The following CLIC5 variants were observed in gnomAD, a reference collection of about 807,000 sequenced individuals.
The protein encoded by CLIC5 is CLIC family member 5, also known as chloride intracellular channel protein 5.
Under a neutral mutation model 24.7 loss-of-function variants are expected in CLIC5, and 20 were observed. That is an observed-to-expected ratio of 0.81 (90% confidence interval 0.57 to 1.18). The LOEUF (loss-of-function observed/expected upper bound fraction) is 1.18, where lower values mean the gene tolerates loss of function less well. Ranked by LOEUF, CLIC5 falls within the 50% of genes most tolerant of loss-of-function variation. The pLI is 0.00. For missense variants in CLIC5, 341 were observed against 326.1 expected (o/e 1.05, Z -0.35); for synonymous variants, 159 against 135.6 (o/e 1.17, Z -1.20).
At chr6:46,116,216 C>G in the CLIC5 span, among the ~76,000 whole-genome samples, 1 of 150,852 alleles carries the variant, frequency 6.6e-6, no homozygotes, top group East Asian at 1.9e-4. Context: ...CTGGAAGCAG[C>G]TTTGGAGAGA....
intron 1 of CLIC5, among the ~76,000 whole-genome samples, chr6:45,992,999 A>G (rs1581836189): frequency 6.6e-6 from 1 of 152,202 alleles, no homozygotes; most frequent in East Asian, 1.9e-4. Context: ...GAGGTCTGAA[A>G]AGCATTTTGA....
At chr6:46,089,451 G>T in the CLIC5 span, among the ~76,000 whole-genome samples, 1 of 152,060 alleles carries the variant, frequency 6.6e-6, no homozygotes, top group Non-Finnish European at 1.5e-5. Context: ...AATAATGTTT[G>T]TGGCCAGACG....
At chr6:45,885,152 G>A (rs370860374) in intron 6 of CLIC5, among the ~76,000 whole-genome samples, 27 of 152,090 alleles carry the variant, frequency 1.8e-4, no homozygotes, top group African/African-American at 6.5e-4. Flanking sequence ...AAAGTCCAAT[G>A]TGATGGTATT....
upstream of CLIC5, among the ~76,000 whole-genome samples, chr6:46,085,270 A>T (rs575485187): frequency 3.2e-4 from 48 of 152,246 alleles, no homozygotes; most frequent in South Asian, 9.1e-3. Flanking sequence ...TTCTTCTCTC[A>T]ACTCGTCAAA....
intron 5 of CLIC5, among the ~76,000 whole-genome samples, chr6:45,910,434 C>A (rs964531547): frequency 6.6e-6 from 1 of 152,174 alleles, no homozygotes; most frequent in African/African-American, 2.4e-5. Flanking sequence ...AGACAAGGTT[C>A]TCTAGTGTCA....
At chr6:46,048,301 C>A (rs1285196884) in intron 1 of CLIC5, among the ~76,000 whole-genome samples, 1 of 152,178 alleles carries the variant, frequency 6.6e-6, no homozygotes, top group Non-Finnish European at 1.5e-5. Context: ...CTGCTCCCAG[C>A]CCCATATTAT....
upstream of CLIC5, among the ~76,000 whole-genome samples, chr6:46,081,691 T>C (rs936381940): frequency 6.6e-6 from 1 of 152,224 alleles, no homozygotes; most frequent in African/African-American, 2.4e-5. Flanking sequence ...GTTTTACAGC[T>C]GGTGAAAACC....
intron 1 of CLIC5, among the ~76,000 whole-genome samples, chr6:46,041,936 C>G (rs769012277): frequency 6.6e-6 from 1 of 152,184 alleles, no homozygotes; most frequent in Non-Finnish European, 1.5e-5. Flanking sequence ...ACTGCCATCA[C>G]TATTATGTCT....
At chr6:46,006,933 A>G (rs1766608120) in intron 1 of CLIC5, among the ~76,000 whole-genome samples, 1 of 152,024 alleles carries the variant, frequency 6.6e-6, no homozygotes, top group South Asian at 2.1e-4. Context: ...CGGCCTCCCA[A>G]AGTGCTGAGA....
At chr6:46,094,629 G>T in the CLIC5 span, among the ~76,000 whole-genome samples, 2 of 152,172 alleles carry the variant, frequency 1.3e-5, no homozygotes, top group South Asian at 2.1e-4. Flanking sequence ...TGGTGAAAGG[G>T]GTGGGCCCCC....
upstream of CLIC5, among the ~76,000 whole-genome samples, chr6:46,081,836 A>G (rs1175040634): frequency 6.6e-6 from 1 of 152,244 alleles, no homozygotes; most frequent in Non-Finnish European, 1.5e-5. Flanking sequence ...CCTCCAGCTC[A>G]GTAATATTTC....
chr6:45,975,690 G>A (rs1765361514), intron 1 of CLIC5, among the ~76,000 whole-genome samples: 1 of 152,092 alleles, frequency 6.6e-6, no homozygotes, highest in Admixed American at 6.6e-5. Flanking sequence ...AGATTACAAA[G>A]AACAAGACAA....
upstream of CLIC5, chr6:46,018,784 T>C (rs1562008027): frequency 6.6e-6 from 1 of 152,210 alleles, no homozygotes; most frequent in African/African-American, 2.4e-5. Context: ...ATGGAAACCA[T>C]ACAGAGAAGA....
chr6:45,999,631 T>G (rs993983841), intron 1 of CLIC5, among the ~76,000 whole-genome samples: 2 of 151,978 alleles, frequency 1.3e-5, no homozygotes, highest in African/African-American at 4.8e-5. Context: ...TTCCTCCTCC[T>G]CTTCCTCCTC....
At chr6:45,938,889 T>G (rs1764030541) in intron 4 of CLIC5, among the ~76,000 whole-genome samples, 1 of 152,084 alleles carries the variant, frequency 6.6e-6, no homozygotes, top group South Asian at 2.1e-4. Context: ...AGCTCTGCCT[T>G]GGGGGTAGAC....
At chr6:46,097,252 C>T in the CLIC5 span, 2 of 152,056 alleles carry the variant, frequency 1.3e-5, no homozygotes, top group Non-Finnish European at 2.9e-5. Flanking sequence ...GTAGGTAAAA[C>T]AAATATAGCA....
chr6:46,101,860 C>T, the CLIC5 span, among the ~76,000 whole-genome samples: 1 of 151,848 alleles, frequency 6.6e-6, no homozygotes, highest in East Asian at 1.9e-4. Flanking sequence ...TTTAATCATT[C>T]ATAAGCTAAA....
At chr6:46,017,051 A>G (rs1044001376), upstream of CLIC5, among the ~76,000 whole-genome samples, 7 of 152,206 alleles carry the variant, frequency 4.6e-5, no homozygotes, top group Non-Finnish European at 1.0e-4. Flanking sequence ...TTGGATGTAT[A>G]CTTAGGAGTG....
intron 1 of CLIC5, among the ~76,000 whole-genome samples, chr6:46,024,448 T>TA (rs1767274843): frequency 6.6e-6 from 1 of 152,156 alleles, no homozygotes; most frequent in Admixed American, 6.5e-5. Flanking sequence ...CTGCTGGACT[T>TA]ATAAAGAGAC....
Sources: gnomAD v4.1 joint callset for allele counts (sites outside exome capture counted in the v4.1 genomes callset) on GRCh38, gnomAD v4.1.1 for gene constraint, MANE v1.5 for transcripts, NCBI Gene and HGNC (gene_info 2026-07-23, HGNC 2026-07-21) for gene names.